XPC: variants seen among roughly 807,000 people sequenced by gnomAD.
The protein encoded by XPC is XPC complex subunit, DNA damage recognition and repair factor.
A neutral mutation model predicts 95.8 loss-of-function variants in XPC; 76 were observed. The observed-to-expected ratio is 0.79, with a 90% CI of 0.66 to 0.96. The LOEUF is 0.96. Ranked by LOEUF, XPC falls within the 40% of genes least tolerant of loss-of-function variation. The pLI is 0.00. For synonymous variants in XPC, 442 were observed against 442.1 expected, an observed-to-expected ratio of 1.00 and a Z score of 0.00; for missense variants, 1,146 against 1,179.8, an observed-to-expected ratio of 0.97 and a Z score of 0.42.
In XPC at chr3:14,168,454, G is replaced by T. The variant is rs1696478634; in HGVS notation, c.413-74C>A. On this transcript the variant is annotated intron_variant, in intron 3 of 15. Transcript: ENST00000285021. The stretch of plus-strand genomic sequence containing the variant: ...TAGCTACTGTACTGAACAGAATCAA[G>T]GTTCTGCTGGGAAGGAGGAAGTGAG... The T allele has an allele frequency of 3.8e-6, 6 of 1,565,312 alleles. No individual in the cohort carries two copies. The East Asian group carries it at 1.4e-4, about 36-fold the overall frequency.
intron 13 of XPC, 151 bp downstream of exon 13, chr3:14,148,411 G>A: frequency 1.9e-6 from 2 of 1,059,680 alleles, no homozygotes; most frequent in East Asian, 2.6e-5. Flanking sequence ...AATTGGTAAA[G>A]CACTGACTTT....
At chr3:14,157,573 G>T (rs1034515898) in intron 9 of XPC, among the ~76,000 whole-genome samples, 1 of 152,064 alleles carries the variant, frequency 6.6e-6, no homozygotes, top group Non-Finnish European at 1.5e-5. Context: ...GTCTCATTCC[G>T]AGACCCCTCT....
Position 14,164,764 on chromosome 3 carries a change from A to G in XPC, c.900+49T>C, listed in dbSNP as rs749595207. 22 of 1,588,074 alleles carry G rather than the reference A, an allele frequency of 1.4e-5. No homozygotes were observed. The East Asian group carries it at 4.7e-4, about 34-fold the overall frequency. The stretch of plus-strand genomic sequence containing the variant: ...CATCTGGCACATGGCTGCCATTATC[A>G]TTAGTTAACAGTACTGATAAAAAAC... On this transcript the variant is annotated intron_variant, in intron 7 of 15. Coordinates refer to ENST00000285021, the MANE Select transcript of XPC (RefSeq NM_004628.5).
chr3:14,178,512 C>A lies in XPC; in HGVS notation c.57G>T (p.Gln19His). 1 of 1,612,846 alleles carries A rather than the reference C, an allele frequency of 6.2e-7. No individual in the cohort carries two copies. The highest frequency in any genetic ancestry group is 8.5e-7 in the Non-Finnish European group (1 of 1,179,504). ...GEPRGRELRS[Q>H]KSKAKSKARR... ...GGGCCTTGCTCTTGGCCTTGGATTTCTGGCTGCGCAGTTCGCGTCCCCGCG... is the reference window on the plus strand; with the variant it reads ...GGGCCTTGCTCTTGGCCTTGGATTTATGGCTGCGCAGTTCGCGTCCCCGCG... The change falls in exon 1 of 16, where the codon CAG (glutamine) becomes CAT (histidine). Residue 19 changes from glutamine to histidine, a missense_variant. Transcript: ENST00000285021.
chr3:14,158,169 T>C lies in XPC; in HGVS notation c.1714A>G (p.Ile572Val). ...ATKPMTYVVG[I>V]DSDGWVRDVT... ...TCTCGGACCCAGCCGTCACTGTCAA[T>C]GCCCACCACATAGGTCATGGGCTTG... The change falls in exon 9 of 16, where the codon ATT (isoleucine) becomes GTT (valine). Residue 572 changes from isoleucine to valine, a missense_variant. By Grantham distance (29) the Ile-to-Val change is conservative. Coordinates refer to ENST00000285021, the MANE Select transcript of XPC (RefSeq NM_004628.5). This position sits in a 1 kb window ranked among gnomAD's most constrained non-coding sequence, Gnocchi z 5.2. 6.2e-7 allele frequency: 1 copy of C among 1,613,896 alleles called. No individual in the cohort carries two copies. Among genetic ancestry groups the C allele is most frequent in the Non-Finnish European group, 8.5e-7 (1 of 1,179,882 alleles).
intron 13 of XPC, 116 bp from the exon 14 acceptor site, chr3:14,148,117 T>C: frequency 1.1e-6 from 1 of 881,236 alleles, no homozygotes; most frequent in Non-Finnish European, 1.7e-6. Context: ...TCCTGAAGGA[T>C]GTCGCGGGTC....
chr3:14,159,342 C>T (rs1332876310), intron 8 of XPC, among the ~76,000 whole-genome samples: 1 of 152,150 alleles, frequency 6.6e-6, no homozygotes, highest in East Asian at 1.9e-4. Context: ...TGAAAATCAG[C>T]TTCTAGACCA....
In XPC at chr3:14,172,875, A is replaced by G; in HGVS notation, c.291T>C (p.Asp97=). 1 of 1,613,870 alleles carries G rather than the reference A, an allele frequency of 6.2e-7. No homozygotes were observed. Among genetic ancestry groups the G allele is most frequent in the Non-Finnish European group, 8.5e-7 (1 of 1,179,826 alleles). Residue 97 remains aspartate, a synonymous_variant, in exon 2 of 16, where the codon GAT becomes GAC. Coordinates refer to ENST00000285021, the MANE Select transcript of XPC (RefSeq NM_004628.5). The part of the protein sequence containing the change: ...VIKDEALSDG[D]DLRDFPSDLK... ...CTTTGCAGACATCTCACCTGAGGTC[A>G]TCCCCATCGCTGAGGGCTTCATCCT...
rs570106551 is a variant in XPC at position 14,172,530 on chromosome 3, T to G, written c.299+337A>C. The stretch of plus-strand genomic sequence containing the variant: ...CGGAGAAGAGCGTGCTTGAGGACAG[T>G]AGTATGAGATAAAGCTGGAATGGCA... On this transcript the variant is annotated intron_variant, in intron 2 of 15. Coordinates refer to ENST00000285021, the MANE Select transcript of XPC (RefSeq NM_004628.5). Among the ~76,000 whole-genome samples, 21 of 152,230 alleles carry G rather than the reference T, an allele frequency of 1.4e-4. No individual in the cohort carries two copies. In the South Asian group the frequency reaches 1.5e-3, roughly 11 times the overall value.
chr3:14,152,938 G>T (rs1695755313), intron 10 of XPC: 1 of 152,292 alleles, frequency 6.6e-6, no homozygotes, highest in Non-Finnish European at 1.5e-5. Context: ...CCTGCACATG[G>T]AACAGTCAAA....
chr3:14,171,101 A>G (rs1298159918), intron 2 of XPC, among the ~76,000 whole-genome samples: 1 of 152,248 alleles, frequency 6.6e-6, no homozygotes, highest in Admixed American at 6.5e-5. Context: ...TAAGTAGATA[A>G]TAACATAGAT....
chr3:14,173,056 A>C lies in XPC; in HGVS notation c.110T>G (p.Phe37Cys), dbSNP rs747594023. Residue 37 changes from phenylalanine (F) to cysteine (C), a missense_variant, in exon 2 of 16, where the codon TTT becomes TGT. By Grantham distance (205) the Phe-to-Cys change is radical. Coordinates refer to ENST00000285021, the MANE Select transcript of XPC (RefSeq NM_004628.5). Reference protein sequence around the residue: ...ARREEEEEDAFEDEKPPKKSL... With the variant: ...ARREEEEEDACEDEKPPKKSL... Reference sequence around the variant, plus strand: ...CTTCTTTGGGGGTTTCTCATCTTCAAAGGCATCTAGGTGACAACACAGAAC... The same window carrying C: ...CTTCTTTGGGGGTTTCTCATCTTCACAGGCATCTAGGTGACAACACAGAAC... 2 of 1,579,480 alleles carry C rather than the reference A, an allele frequency of 1.3e-6. No individual in the cohort carries two copies. The highest frequency in any genetic ancestry group is 1.7e-6 in the Non-Finnish European group (2 of 1,163,252).
chr3:14,167,253 A>G lies in XPC; in HGVS notation c.537T>C (p.Ser179=). The G allele has an allele frequency of 6.2e-7, 1 of 1,610,624 alleles. No homozygotes were observed. Among genetic ancestry groups the G allele is most frequent in the Non-Finnish European group, 8.5e-7 (1 of 1,178,444 alleles). Residue 179 remains serine, a splice_region_variant and synonymous_variant, in exon 5 of 16, where the codon AGT becomes AGC. Transcript: ENST00000285021. ...TCTCAAACTCCAGTTTTATCTTTTC[A>G]CTGCAACAAATAGTGAAAAATCTGG... is the stretch of plus-strand genomic sequence containing the variant. ...TPEQAKTRER[S]EKIKLEFETY...
rs3731124 is a variant in XPC at position 14,159,900 on chromosome 3, T to G, written c.901-70A>C. 0.23 allele frequency: 333,870 copies of G among 1,442,090 alleles called. 40,717 individuals are homozygous for G. The highest frequency in any genetic ancestry group is 0.26 in the Admixed American group (13,213 of 50,532). The allele number at this position is 1,442,090 out of a possible 1,614,324, so 89.3% of individuals were successfully genotyped here. A position where few individuals can be genotyped will look rare whatever the true frequency, so the allele number is the denominator to read the frequency against. The stretch of plus-strand genomic sequence containing the variant: ...AAGATGTAATGAGTTCAATGTTGTT[T>G]GTTATGGTGCTTGTTCAAGACAGGG... On this transcript the variant is annotated intron_variant, in intron 7 of 15. Transcript: ENST00000285021.
At chr3:14,164,617 C>A (rs3731119) in intron 7 of XPC, 196 bp downstream of exon 7, 2 of 529,340 alleles carry the variant, frequency 3.8e-6, no homozygotes, top group African/African-American at 2.0e-5. Flanking sequence ...ATCCCAATCT[C>A]GATTCTCAGG....
Position 14,158,469 on chromosome 3 carries a change from C to T in XPC, c.1414G>A (p.Ala472Thr), listed in dbSNP as rs11339194. The change falls in exon 9 of 16, where the codon GCT (alanine) becomes ACT (threonine). Residue 472 changes from alanine to threonine, a missense_variant. By Grantham distance (58) the Ala-to-Thr change is moderately conservative. Transcript: ENST00000285021. The surrounding 1 kb of genome is among the most constrained non-coding windows in gnomAD (Gnocchi z 5.2). ...GACCCAGCCTTTGTCCTCTGAGGAG[C>T]GGGGGCTTTCCTCTGCTTTGGAGGG... ...PGPPKQRKAP[A>T]PQRTKAGSKS... 26 of 1,612,726 alleles carry T rather than the reference C, an allele frequency of 1.6e-5. No homozygotes were observed. In the African/African-American group the frequency reaches 2.7e-4, roughly 17 times the overall value.
At position 14,152,410 on chromosome 3, in the gene XPC, A is replaced by G. The variant is rs1487571151; in HGVS notation, c.2040T>C (p.Cys680=). The change falls in exon 11 of 16, where the codon TGT becomes TGC. Residue 680 remains cysteine (C), a synonymous_variant. Coordinates refer to ENST00000285021, the MANE Select transcript of XPC (RefSeq NM_004628.5). ...TGTCCCTGGAATGCAGAGTGTGCAC[A>G]CAATCCCTGTGGAACCAACACAGGA... ...CRGEAVYSRD[C]VHTLHSRDTW... 1.9e-6 allele frequency: 3 copies of G among 1,611,194 alleles called. No homozygotes were observed. Among genetic ancestry groups the G allele is most frequent in the Non-Finnish European group, 2.5e-6 (3 of 1,178,722 alleles).
In XPC at chr3:14,168,384, T is replaced by C. The variant is rs367977379; in HGVS notation, c.413-4A>G. 1.1e-4 allele frequency: 182 copies of C among 1,613,564 alleles called. No homozygotes were observed. The highest frequency in any genetic ancestry group is 1.6e-4 in the Middle Eastern group (1 of 6,084). On this transcript the variant is annotated splice_polypyrimidine_tract_variant and splice_region_variant and intron_variant, in intron 3 of 15. Coordinates refer to ENST00000285021, the MANE Select transcript of XPC (RefSeq NM_004628.5). The stretch of plus-strand genomic sequence containing the variant: ...CCCAGCACAGGCTCACTAAGTTCTA[T>C]CAACAAGCATTTTTAAAAATCAGTA...
intron 10 of XPC, among the ~76,000 whole-genome samples, chr3:14,153,652 G>C (rs1193708317): frequency 6.6e-6 from 1 of 152,156 alleles, no homozygotes; most frequent in Non-Finnish European, 1.5e-5. Flanking sequence ...ATGAGGTCCG[G>C]TTAGGTTCGG....
Sources: allele counts gnomAD v4.1 joint callset (sites outside exome capture counted in the v4.1 genomes callset), GRCh38; gene constraint gnomAD v4.1.1; non-coding constraint Gnocchi (gnomAD v3.1); transcripts MANE v1.5; gene names NCBI Gene and HGNC (gene_info 2026-07-23, HGNC 2026-07-21).